NR6A1: variants seen among roughly 807,000 people sequenced by gnomAD.
The protein encoded by NR6A1 is nuclear receptor subfamily 6 group A member 1.
Under a neutral mutation model 59.1 loss-of-function variants are expected in NR6A1, and 7 were observed. The ratio of observed to expected loss-of-function variants is 0.12; its 90% CI spans 0.07 to 0.22. The LOEUF is 0.22. Among genes scored for constraint, NR6A1 ranks in the 10% least tolerant of loss-of-function variants. The probability of loss-of-function intolerance (pLI) is 1.00; values close to 1 mark genes in which losing one functional copy is unlikely to be tolerated. For missense variants in NR6A1, 468 were observed against 611.6 expected (o/e 0.77, Z 2.48); for synonymous variants, 243 against 236.1 (o/e 1.03, Z -0.27).
Position 124,520,771 on chromosome 9 carries a change from A to T in NR6A1, c.*1934T>A, listed in dbSNP as rs1832783836. On this transcript the variant is annotated 3_prime_UTR_variant, in exon 10 of 10. Coordinates refer to ENST00000487099, the MANE Select transcript of NR6A1 (RefSeq NM_033334.4). The stretch of plus-strand genomic sequence containing the variant: ...GGGAACAAGTATCGTGAACTTAGAA[A>T]TAAACAGATACACACGAACACACAA... 1 of 152,232 alleles carries T rather than the reference A, an allele frequency of 6.6e-6. No homozygotes were observed. Among genetic ancestry groups the T allele is most frequent in the Non-Finnish European group, 1.5e-5 (1 of 68,034 alleles). 9.4% of individuals were successfully genotyped at this position (152,232 alleles called of 1,614,324 possible).
chr9:124,729,062 G>A (rs769789199), intron 2 of NR6A1, among the ~76,000 whole-genome samples: 1 of 152,058 alleles, frequency 6.6e-6, no homozygotes, highest in Non-Finnish European at 1.5e-5. Flanking sequence ...CTTGTTTAGT[G>A]GGAAAAAAAC....
rs1228933969 is a variant in NR6A1 at position 124,521,130 on chromosome 9, A to C, written c.*1575T>G. 6.6e-6 allele frequency: 1 copy of C among 152,300 alleles called. No individual in the cohort carries two copies. The highest frequency in any genetic ancestry group is 1.5e-5 in the Non-Finnish European group (1 of 68,078). 9.4% of individuals were successfully genotyped at this position (152,300 alleles called of 1,614,324 possible). A position where few individuals can be genotyped will look rare whatever the true frequency, so the allele number is the denominator to read the frequency against. On this transcript the variant is annotated 3_prime_UTR_variant, in exon 10 of 10. Coordinates refer to ENST00000487099, the MANE Select transcript of NR6A1 (RefSeq NM_033334.4). ...TCCAACCTACCCAGGCATGCAGCCA[A>C]CTAAGTGGTCTGCTTGCCACACTGG...
intron 2 of NR6A1, among the ~76,000 whole-genome samples, chr9:124,626,404 T>C (rs559641328): frequency 2.0e-5 from 3 of 152,316 alleles, no homozygotes; most frequent in Non-Finnish European, 2.9e-5. Flanking sequence ...TCAAAGCATA[T>C]TGGTTCTGTT....
At chr9:124,599,036 C>T (rs1835368815) in intron 2 of NR6A1, 1 of 736,272 alleles carries the variant, frequency 1.4e-6, no homozygotes. Flanking sequence ...CATGAGGAGG[C>T]GGGTGGTCCC....
At chr9:124,749,216 C>T (rs866862956) in intron 1 of NR6A1, among the ~76,000 whole-genome samples, 1 of 150,576 alleles carries the variant, frequency 6.6e-6, no homozygotes, top group East Asian at 2.0e-4. Flanking sequence ...GAGCCAAAAT[C>T]GCACCATTGC....
rs544164756 is a variant in NR6A1, at chr9:124,530,193, C to G, written c.1080-3293G>C. ...CCTGGCCTGTCCATACACCCTAGAT[C>G]TGCCCTTTCTCTTGCGGACAGCACA... is the stretch of plus-strand genomic sequence containing the variant. On this transcript the variant is annotated intron_variant, in intron 7 of 9. Transcript: ENST00000487099. 5.9e-5 allele frequency among the ~76,000 whole-genome samples: 9 copies of G among 152,282 alleles called. No homozygotes were observed. The East Asian group carries it at 1.7e-3, about 29-fold the overall frequency.
chr9:124,528,377 TACA>T lies in NR6A1; in HGVS notation c.1080-1480_1080-1478del, dbSNP rs976616907. On this transcript the variant is annotated intron_variant, in intron 7 of 9. Coordinates refer to ENST00000487099, the MANE Select transcript of NR6A1 (RefSeq NM_033334.4). ...CAAAAATATTTTTTTTACAAAACAATACAACAATAAAAAAAGACAAATTTTTAA... is the reference window on the plus strand; with the variant it reads ...CAAAAATATTTTTTTTACAAAACAATACAATAAAAAAAGACAAATTTTTAA... Among the ~76,000 whole-genome samples the T allele has an allele frequency of 7.9e-5, 12 of 152,074 alleles. No homozygotes were observed. The East Asian group carries it at 9.7e-4, about 12-fold the overall frequency.
At chr9:124,716,066 G>A (rs1189729504) in intron 2 of NR6A1, among the ~76,000 whole-genome samples, 2 of 152,016 alleles carry the variant, frequency 1.3e-5, no homozygotes, top group Non-Finnish European at 2.9e-5. Context: ...AGCCTGGCAT[G>A]GTGGTTGTGC....
intron 1 of NR6A1, among the ~76,000 whole-genome samples, chr9:124,763,594 C>A (rs1425559767): frequency 6.6e-6 from 1 of 152,088 alleles, no homozygotes; most frequent in Non-Finnish European, 1.5e-5. Context: ...CAAAGAATGA[C>A]AGAAAATACA....
At chr9:124,622,136 A>G (rs1836095282) in intron 2 of NR6A1, among the ~76,000 whole-genome samples, 1 of 152,182 alleles carries the variant, frequency 6.6e-6, no homozygotes, top group South Asian at 2.1e-4. Context: ...GGATCGCTTG[A>G]GCCTGGGAGG....
chr9:124,741,432 G>GT (rs1180363814), intron 1 of NR6A1, among the ~76,000 whole-genome samples: 6 of 152,232 alleles, frequency 3.9e-5, no homozygotes, highest in Non-Finnish European at 7.3e-5. Flanking sequence ...TACCCATACT[G>GT]TAACAGGCCA....
At chr9:124,527,329 C>T (rs1393048002) in intron 7 of NR6A1, among the ~76,000 whole-genome samples, 3 of 152,170 alleles carry the variant, frequency 2.0e-5, no homozygotes, top group African/African-American at 7.2e-5. Flanking sequence ...ATGGCAGCTG[C>T]CATGGTGACT....
chr9:124,749,054 G>C (rs1257084763), intron 1 of NR6A1, among the ~76,000 whole-genome samples: 4 of 152,102 alleles, frequency 2.6e-5, no homozygotes, highest in Non-Finnish European at 4.4e-5. Context: ...CCTGAAGTAG[G>C]GAGTTTGAGA....
chr9:124,684,518 C>G (rs575002581), intron 2 of NR6A1, among the ~76,000 whole-genome samples: 3 of 152,292 alleles, frequency 2.0e-5, no homozygotes, highest in Non-Finnish European at 2.9e-5. Flanking sequence ...GACACCAACT[C>G]TCTCCTGAGG....
At chr9:124,702,405 C>A (rs1341372167) in intron 2 of NR6A1, among the ~76,000 whole-genome samples, 1 of 152,150 alleles carries the variant, frequency 6.6e-6, no homozygotes, top group African/African-American at 2.4e-5. Context: ...GGTCAAAAAT[C>A]AAAGGACCAC....
At chr9:124,647,242 A>G (rs1836954857) in intron 2 of NR6A1, among the ~76,000 whole-genome samples, 1 of 152,194 alleles carries the variant, frequency 6.6e-6, no homozygotes, top group African/African-American at 2.4e-5. Flanking sequence ...GATAAACAAA[A>G]TTGACCAATT....
At chr9:124,755,903 G>A (rs1375822417) in intron 1 of NR6A1, among the ~76,000 whole-genome samples, 2 of 152,126 alleles carry the variant, frequency 1.3e-5, no homozygotes, top group African/African-American at 4.8e-5. Flanking sequence ...AAACCTCTTT[G>A]ATGTTAAGAT....
intron 2 of NR6A1, among the ~76,000 whole-genome samples, chr9:124,639,450 CA>C (rs1401296629): frequency 1.3e-5 from 2 of 152,152 alleles, no homozygotes; most frequent in Non-Finnish European, 2.9e-5. Flanking sequence ...CAAATGAGGC[CA>C]AAGACTAAAT....
chr9:124,614,365 C>T lies in NR6A1; in HGVS notation c.143-59795G>A, dbSNP rs142496627. Among the ~76,000 whole-genome samples the T allele has an allele frequency of 1.1e-4, 16 of 152,260 alleles. No homozygotes were observed. In the East Asian group the frequency reaches 2.5e-3, roughly 24 times the overall value. ...TAGGGCCAAGAATAGTTTCTGTCTC[C>T]ACCAGCCAGAATGAAAAACTTTCAA... On this transcript the variant is annotated intron_variant, in intron 2 of 9. Coordinates refer to ENST00000487099, the MANE Select transcript of NR6A1 (RefSeq NM_033334.4).
Sources: allele counts gnomAD v4.1 joint callset (sites outside exome capture counted in the v4.1 genomes callset), GRCh38; gene constraint gnomAD v4.1.1; transcripts MANE v1.5; gene names NCBI Gene and HGNC (gene_info 2026-07-23, HGNC 2026-07-21).